CADM1: variants seen among roughly 807,000 people sequenced by gnomAD.
CADM1 encodes cell adhesion molecule 1, also known as TSLC-1.
CADM1 carries 15 observed loss-of-function variants against 53.1 expected under a neutral mutation model. That is an observed-to-expected ratio of 0.28 (90% CI 0.19 to 0.44). The LOEUF is 0.44. Ranked by LOEUF, CADM1 falls within the 20% of genes least tolerant of loss-of-function variation. The pLI is 1.00. For synonymous variants in CADM1, 281 were observed against 243.0 expected (o/e 1.16, Z -1.45); for missense variants, 434 against 611.3 (o/e 0.71, Z 3.06).
intron 1 of CADM1, among the ~76,000 whole-genome samples, chr11:115,352,482 T>C (rs967720350): frequency 6.6e-6 from 1 of 152,206 alleles, no homozygotes; most frequent in Admixed American, 6.5e-5. Flanking sequence ...TCACAGGCTA[T>C]GCAGAGTGCT....
intron 1 of CADM1, among the ~76,000 whole-genome samples, chr11:115,307,315 A>T (rs1216907230): frequency 6.6e-6 from 1 of 151,930 alleles, no homozygotes; most frequent in Non-Finnish European, 1.5e-5. Context: ...TAACTTGAAA[A>T]GTTTAAATGT....
intron 1 of CADM1, among the ~76,000 whole-genome samples, chr11:115,303,532 A>G (rs1021003133): frequency 3.3e-5 from 5 of 152,042 alleles, no homozygotes; most frequent in Admixed American, 6.6e-5. Context: ...TCACATACTC[A>G]CTAATTTGCA....
At chr11:115,336,536 G>A (rs1009706628) in intron 1 of CADM1, among the ~76,000 whole-genome samples, 2 of 152,102 alleles carry the variant, frequency 1.3e-5, no homozygotes, top group African/African-American at 4.8e-5. Context: ...TGGTTAATGA[G>A]TACCCTTATT....
At chr11:115,298,572 AT>A (rs1378345114) in intron 1 of CADM1, among the ~76,000 whole-genome samples, 1 of 152,214 alleles carries the variant, frequency 6.6e-6, no homozygotes, top group African/African-American at 2.4e-5. Context: ...TTCATGAATC[AT>A]TGATCCTGTT....
Position 115,268,858 on chromosome 11 carries a change from T to C in CADM1, c.125-28438A>G, listed in dbSNP as rs575124233. ...AGTACAAGGAATTTGACTTGGCAAGTCAAACTGCCACCACCTCAACAGAAT... is the reference window on the plus strand; with the variant it reads ...AGTACAAGGAATTTGACTTGGCAAGCCAAACTGCCACCACCTCAACAGAAT... On this transcript the variant is annotated intron_variant, in intron 1 of 11. Coordinates refer to ENST00000331581, the MANE Select transcript of CADM1 (RefSeq NM_001301043.2). 2.0e-5 allele frequency among the ~76,000 whole-genome samples: 3 copies of C among 152,196 alleles called. No homozygotes were observed. The East Asian group carries it at 5.8e-4, about 30-fold the overall frequency.
chr11:115,470,830 T>C (rs777350169), intron 1 of CADM1, among the ~76,000 whole-genome samples: 89 of 152,320 alleles, frequency 5.8e-4, no homozygotes, highest in Non-Finnish European at 1.2e-3. Flanking sequence ...ATAACAATCA[T>C]ATGAAGTAGA....
At chr11:115,465,349 G>T (rs563394800) in intron 1 of CADM1, among the ~76,000 whole-genome samples, 1 of 152,248 alleles carries the variant, frequency 6.6e-6, no homozygotes, top group African/African-American at 2.4e-5. Context: ...TCCATATGAT[G>T]AACTTACTGG....
rs117565696 is a variant in CADM1 at position 115,182,124 on chromosome 11, T to C, written c.1166-3349A>G. Reference sequence around the variant, plus strand: ...GTGCAGACCCCTTCTTCAGGTCCCATGAAGTGCTGGCTTTCCTGGGGACAT... The same window carrying C: ...GTGCAGACCCCTTCTTCAGGTCCCACGAAGTGCTGGCTTTCCTGGGGACAT... On this transcript the variant is annotated intron_variant, in intron 10 of 11. Transcript: ENST00000331581. 5.2e-3 allele frequency among the ~76,000 whole-genome samples: 794 copies of C among 152,314 alleles called. 5 individuals carry two copies. Among genetic ancestry groups the C allele is most frequent in the Non-Finnish European group, 8.3e-3 (568 of 68,024 alleles).
intron 1 of CADM1, among the ~76,000 whole-genome samples, chr11:115,348,989 A>C (rs1565379895): frequency 6.6e-6 from 1 of 152,222 alleles, no homozygotes; most frequent in Non-Finnish European, 1.5e-5. Flanking sequence ...TTTTACTATT[A>C]CAAAGGAAAC....
intron 9 of CADM1, chr11:115,194,022 TAGAC>T (rs1940027006): frequency 6.6e-6 from 1 of 152,204 alleles, no homozygotes; most frequent in Non-Finnish European, 1.5e-5. Flanking sequence ...TTCACGCCGT[TAGAC>T]AGTAGCACAT....
rs796446672 is a variant in CADM1, at chr11:115,178,900, C to T, written c.1166-125G>A. On this transcript the variant is annotated intron_variant, in intron 10 of 11. Transcript: ENST00000331581. ...TAATGGAGGAGTCACAGAGAACAAT[C>T]GAGATGGATCAAGTTACACTGAGGT... is the stretch of plus-strand genomic sequence containing the variant. The T allele has an allele frequency of 1.9e-4, 190 of 1,013,420 alleles. 2 individuals are homozygous for T. Among genetic ancestry groups the T allele is most frequent in the African/African-American group, 7.9e-4 (50 of 63,522 alleles). The allele number at this position is 1,013,420 out of a possible 1,614,324, so 62.8% of individuals were successfully genotyped here.
At chr11:115,189,614 C>G (rs1939746237) in intron 10 of CADM1, among the ~76,000 whole-genome samples, 1 of 152,218 alleles carries the variant, frequency 6.6e-6, no homozygotes, top group South Asian at 2.1e-4. Flanking sequence ...GTTTTTGCAA[C>G]TTCTCCAACT....
Position 115,173,151 on chromosome 11 carries a change from A to C in CADM1, c.*3323T>G, listed in dbSNP as rs1156734679. On this transcript the variant is annotated 3_prime_UTR_variant, in exon 12 of 12. Coordinates refer to ENST00000331581, the MANE Select transcript of CADM1 (RefSeq NM_001301043.2). The stretch of plus-strand genomic sequence containing the variant: ...CCACAGCTCACGTCTTCTTTTTATG[A>C]AAGGAGAGAGAACTTTCAAGGAAGA... 1 of 152,166 alleles carries C rather than the reference A, an allele frequency of 6.6e-6. No individual in the cohort carries two copies. Among genetic ancestry groups the C allele is most frequent in the Non-Finnish European group, 1.5e-5 (1 of 68,062 alleles). 9.4% of individuals were successfully genotyped at this position (152,166 alleles called of 1,614,324 possible).
chr11:115,206,758 C>CTTTT lies in CADM1; in HGVS notation c.1078+2812_1078+2815dup, dbSNP rs56270694. 2.2e-3 allele frequency among the ~76,000 whole-genome samples: 83 copies of CTTTT among 38,226 alleles called. 28 individuals are homozygous for CTTTT. The highest frequency in any genetic ancestry group is 5.6e-3 in the East Asian group (4 of 716). The allele number at this position is 38,226 out of a possible 152,430, so 25.1% of individuals were successfully genotyped here. On this transcript the variant is annotated intron_variant, in intron 8 of 11. Transcript: ENST00000331581. The stretch of plus-strand genomic sequence containing the variant: ...AAAAGAAATAGATGACTGTGGACTT[C>CTTTT]TTTTTTTTTTTTTTTTTTTTTTTTT...
intron 1 of CADM1, among the ~76,000 whole-genome samples, chr11:115,289,051 A>T (rs1039278088): frequency 6.6e-6 from 1 of 152,188 alleles, no homozygotes; most frequent in Non-Finnish European, 1.5e-5. Flanking sequence ...AGAAAAGCTT[A>T]AACGTTTCTG....
intron 1 of CADM1, among the ~76,000 whole-genome samples, chr11:115,483,258 G>A (rs1475743423): frequency 2.0e-5 from 3 of 152,216 alleles, no homozygotes; most frequent in African/African-American, 7.2e-5. Flanking sequence ...CAGACCTCAT[G>A]AAGCTCTGCT....
At chr11:115,323,086 T>C (rs1944865488) in intron 1 of CADM1, among the ~76,000 whole-genome samples, 1 of 152,136 alleles carries the variant, frequency 6.6e-6, no homozygotes, top group South Asian at 2.1e-4. Context: ...TCCATATCCT[T>C]GTCAACACCT....
At position 115,369,026 on chromosome 11, in the gene CADM1, T is replaced by TAA. The variant is rs552309443; in HGVS notation, c.125-128608_125-128607dup. Among the ~76,000 whole-genome samples the TAA allele has an allele frequency of 3.8e-3, 168 of 44,744 alleles. 6 individuals carry two copies. Among genetic ancestry groups the TAA allele is most frequent in the Middle Eastern group, 0.024 (1 of 42 alleles). The allele number at this position is 44,744 out of a possible 152,430, so 29.4% of individuals were successfully genotyped here. On this transcript the variant is annotated intron_variant, in intron 1 of 11. Transcript: ENST00000331581. ...GTGCCTAGCAGAGTGAAAAAAAATC[T>TAA]AAAAAAAAAAAAAAAAAAAAAAAAA...
At chr11:115,329,420 T>C (rs529245247) in intron 1 of CADM1, among the ~76,000 whole-genome samples, 19 of 152,252 alleles carry the variant, frequency 1.2e-4, no homozygotes, top group African/African-American at 4.3e-4. Context: ...TCTATCACTA[T>C]GAAACGGGAG....
Sources: allele counts gnomAD v4.1 joint callset (sites outside exome capture counted in the v4.1 genomes callset), GRCh38; gene constraint gnomAD v4.1.1; transcripts MANE v1.5; gene names NCBI Gene and HGNC (gene_info 2026-07-23, HGNC 2026-07-21).